The following SNTG2 variants were observed in gnomAD, a reference collection of about 807,000 sequenced individuals.
SNTG2 encodes the protein syntrophin gamma 2.
SNTG2 carries 74 observed loss-of-function variants against 70.9 expected under a neutral mutation model. The ratio of observed to expected loss-of-function variants is 1.04; its 90% CI spans 0.86 to 1.27. The LOEUF is 1.27. Among genes scored for constraint, SNTG2 ranks in the 50% most tolerant of loss-of-function variants. The pLI is 0.00. For missense variants in SNTG2, 717 were observed against 690.7 expected (o/e 1.04, Z -0.43); for synonymous variants, 278 against 273.8 (o/e 1.02, Z -0.15).
At position 999,118 on chromosome 2, in the gene SNTG2, C is replaced by T. The variant is rs116619000; in HGVS notation, c.72+48050C>T. ...CACTAAAGTAATTTTCACCAAGAGA[C>T]TGGCCCTGCAACAAATGGAGAGTTC... On this transcript the variant is annotated intron_variant, in intron 1 of 16. Coordinates refer to ENST00000308624, the MANE Select transcript of SNTG2 (RefSeq NM_018968.4). 6.6e-3 allele frequency among the ~76,000 whole-genome samples: 1,002 copies of T among 152,178 alleles called. 12 individuals are homozygous for T. Among genetic ancestry groups the T allele is most frequent in the African/African-American group, 0.023 (954 of 41,556 alleles).
At chr2:1,252,575 C>T (rs1677831075) in intron 12 of SNTG2, among the ~76,000 whole-genome samples, 1 of 152,204 alleles carries the variant, frequency 6.6e-6, no homozygotes, top group Admixed American at 6.5e-5. Context: ...GCTGCCTGCA[C>T]CATGTCCAGC....
Position 1,083,546 on chromosome 2 carries a change from A to G in SNTG2, c.101A>G (p.Asp34Gly), listed in dbSNP as rs564774678. The G allele has an allele frequency of 6.2e-7, 1 of 1,613,722 alleles. No individual in the cohort carries two copies. The highest frequency in any genetic ancestry group is 1.1e-5 in the South Asian group (1 of 91,074). The change falls in exon 2 of 17, where the codon GAT (aspartate) becomes GGT (glycine). Residue 34 changes from aspartate to glycine, a missense_variant. Asp to Gly is a moderately conservative substitution (Grantham distance 94, BLOSUM62 -1). Coordinates refer to ENST00000308624, the MANE Select transcript of SNTG2 (RefSeq NM_018968.4). The part of the protein sequence containing the change: ...RTKTTIALLY[D>G]EESENAYDIR... ...AAAACCACTATTGCTCTGTTGTATG[A>G]TGAAGAGTCCGAAAATGCCTATGAC...
intron 6 of SNTG2, among the ~76,000 whole-genome samples, chr2:1,162,164 GTAA>G (rs1444814808): frequency 6.6e-6 from 1 of 151,136 alleles, no homozygotes; most frequent in Non-Finnish European, 1.5e-5. Context: ...ATTGTCCATT[GTAA>G]TAAGTGCAGA....
chr2:1,337,193 T>C (rs1659860578), intron 16 of SNTG2, among the ~76,000 whole-genome samples: 1 of 152,206 alleles, frequency 6.6e-6, no homozygotes. Context: ...CTTTAAATTA[T>C]TCGGGTATTG....
At chr2:1,008,424 T>C (rs1659633345) in intron 1 of SNTG2, among the ~76,000 whole-genome samples, 1 of 152,332 alleles carries the variant, frequency 6.6e-6, no homozygotes, top group South Asian at 2.1e-4. Flanking sequence ...ATCACTTTTT[T>C]TGAGATGCGC....
At position 1,010,053 on chromosome 2, in the gene SNTG2, T is replaced by A. The variant is rs553135521; in HGVS notation, c.72+58985T>A. On this transcript the variant is annotated intron_variant, in intron 1 of 16. Coordinates refer to ENST00000308624, the MANE Select transcript of SNTG2 (RefSeq NM_018968.4). ...CAGGTGAGATATTATCAGAACACAC[T>A]CTATTATTATTATCAGAGGTGTCTG... 2.6e-5 allele frequency among the ~76,000 whole-genome samples: 4 copies of A among 152,242 alleles called. No individual in the cohort carries two copies. The East Asian group carries it at 7.7e-4, about 29-fold the overall frequency.
At chr2:955,173 C>G (rs1027341463) in intron 1 of SNTG2, among the ~76,000 whole-genome samples, 1 of 152,220 alleles carries the variant, frequency 6.6e-6, no homozygotes, top group African/African-American at 2.4e-5. Context: ...ATGTCATTCA[C>G]TTCTCTGGAC....
chr2:1,186,761 A>G (rs1009856770), intron 8 of SNTG2, among the ~76,000 whole-genome samples: 9 of 152,338 alleles, frequency 5.9e-5, no homozygotes, highest in African/African-American at 1.9e-4. Context: ...CTCTTCCAAC[A>G]TTGAGGATTA....
At chr2:1,206,764 T>G (rs1487507142) in intron 8 of SNTG2, among the ~76,000 whole-genome samples, 1 of 152,182 alleles carries the variant, frequency 6.6e-6, no homozygotes, top group Admixed American at 6.5e-5. Flanking sequence ...AGTGGGGAAT[T>G]GCTTTTGATC....
intron 1 of SNTG2, among the ~76,000 whole-genome samples, chr2:953,767 TTTTG>T (rs1331281511): frequency 6.6e-6 from 1 of 152,204 alleles, no homozygotes; most frequent in African/African-American, 2.4e-5. Context: ...TGTGCCTTGT[TTTTG>T]TTTTTGTTTT....
At chr2:1,065,071 T>A (rs773905492) in intron 1 of SNTG2, among the ~76,000 whole-genome samples, 9 of 152,222 alleles carry the variant, frequency 5.9e-5, no homozygotes, top group Non-Finnish European at 1.3e-4. Context: ...ATTTTCACTC[T>A]GTCCGTTGGT....
intron 1 of SNTG2, among the ~76,000 whole-genome samples, chr2:1,068,914 A>G (rs1441174594): frequency 1.3e-5 from 2 of 152,230 alleles, no homozygotes; most frequent in Non-Finnish European, 2.9e-5. Context: ...TGTCTTTGCC[A>G]TGGTAGGGCC....
intron 12 of SNTG2, among the ~76,000 whole-genome samples, chr2:1,258,954 A>G (rs1464124174): frequency 2.0e-5 from 3 of 152,200 alleles, no homozygotes; most frequent in African/African-American, 4.8e-5. Context: ...CCATTTTTGT[A>G]CTCCAGTAAA....
intron 10 of SNTG2, among the ~76,000 whole-genome samples, chr2:1,239,146 C>T (rs957454697): frequency 3.3e-5 from 5 of 151,356 alleles, no homozygotes; most frequent in African/African-American, 7.3e-5. Context: ...ATGTTTGTGA[C>T]GAGGAGCGCC....
At chr2:1,172,990 C>T (rs1671226769) in intron 7 of SNTG2, 102 bp from the exon 8 acceptor site, 5 of 1,038,064 alleles carry the variant, frequency 4.8e-6, no homozygotes, top group Non-Finnish European at 7.3e-6. Context: ...CATTTTGGTG[C>T]TGGTAACTTC....
chr2:1,320,615 C>T (rs1397716134), intron 16 of SNTG2, among the ~76,000 whole-genome samples: 1 of 150,234 alleles, frequency 6.7e-6, no homozygotes. Flanking sequence ...GATGATTTCA[C>T]ACAGATTCCA....
intron 1 of SNTG2, among the ~76,000 whole-genome samples, chr2:1,025,107 G>A (rs1224822014): frequency 6.6e-6 from 1 of 152,168 alleles, no homozygotes; most frequent in Non-Finnish European, 1.5e-5. Context: ...GGATGTTGTA[G>A]AGCTTAACAG....
At chr2:1,185,398 T>C (rs61689949) in intron 8 of SNTG2, among the ~76,000 whole-genome samples, 2,185 of 152,286 alleles carry the variant, frequency 0.014, 58 homozygotes, top group African/African-American at 0.05. Flanking sequence ...GTAGAGACTC[T>C]GTGTGGGAGC....
chr2:1,022,460 A>T (rs529052328), intron 1 of SNTG2, among the ~76,000 whole-genome samples: 13 of 150,846 alleles, frequency 8.6e-5, no homozygotes, highest in Non-Finnish European at 1.8e-4. Flanking sequence ...TGATTGCCTG[A>T]GTTCCCATGA....
Sources: gnomAD v4.1 joint callset for allele counts (sites outside exome capture counted in the v4.1 genomes callset) on GRCh38, gnomAD v4.1.1 for gene constraint, MANE v1.5 for transcripts, NCBI Gene and HGNC (gene_info 2026-07-23, HGNC 2026-07-21) for gene names.